TIPARP: variants seen among roughly 807,000 people sequenced by gnomAD.
TIPARP encodes the protein protein mono-ADP-ribosyltransferase TIPARP.
A neutral mutation model predicts 56.5 loss-of-function variants in TIPARP; 12 were observed. The ratio of observed to expected loss-of-function variants is 0.21; its 90% CI spans 0.14 to 0.34. The LOEUF is 0.34. Among genes scored for constraint, TIPARP ranks in the 10% least tolerant of loss-of-function variants. The pLI, the probability that TIPARP is intolerant of heterozygous loss-of-function variation, is 1.00. For missense variants in TIPARP, 604 were observed against 781.6 expected, an observed-to-expected ratio of 0.77 and a Z score of 2.71; for synonymous variants, 296 against 265.7, an observed-to-expected ratio of 1.11 and a Z score of -1.11.
In TIPARP at chr3:156,705,041, G is replaced by A. The variant is rs1464422090; in HGVS notation, c.1884G>A (p.Glu628=). 1 of 1,614,066 alleles carries A rather than the reference G, an allele frequency of 6.2e-7. No homozygotes were observed. The highest frequency in any genetic ancestry group is 2.2e-5 in the East Asian group (1 of 44,884). ...LYDSCVDNFF[E]PQIFVIFNDD... ...ACTCTTGTGTGGATAATTTCTTTGA[G>A]CCTCAGATTTTTGTCATTTTTAATG... is the stretch of plus-strand genomic sequence containing the variant. The change falls in exon 6 of 6, where the codon GAG becomes GAA. Residue 628 remains glutamate (E), a synonymous_variant. Transcript: ENST00000295924.
chr3:156,690,649 C>A (rs1033996148), intron 2 of TIPARP, among the ~76,000 whole-genome samples: 3 of 152,108 alleles, frequency 2.0e-5, no homozygotes, highest in Non-Finnish European at 4.4e-5. Flanking sequence ...GCAGTCTGTT[C>A]ACAAGGTTTT....
At chr3:156,700,709 GCA>G (rs1440493596) in intron 4 of TIPARP, among the ~76,000 whole-genome samples, 1 of 152,164 alleles carries the variant, frequency 6.6e-6, no homozygotes, top group East Asian at 1.9e-4. Flanking sequence ...GGAATGCCTG[GCA>G]CAGTTTCTTT....
chr3:156,683,773 C>T (rs1437182966), intron 2 of TIPARP, among the ~76,000 whole-genome samples: 1 of 152,160 alleles, frequency 6.6e-6, no homozygotes, highest in Non-Finnish European at 1.5e-5. Flanking sequence ...GGTTTGGGTG[C>T]TATTCCTAAA....
intron 2 of TIPARP, among the ~76,000 whole-genome samples, chr3:156,684,035 G>T (rs1722368089): frequency 6.6e-6 from 1 of 152,132 alleles, no homozygotes; most frequent in Admixed American, 6.5e-5. Flanking sequence ...AGTTGCAATT[G>T]TCTTTTTGTG....
intron 2 of TIPARP, among the ~76,000 whole-genome samples, chr3:156,683,126 T>A (rs977155422): frequency 6.6e-6 from 1 of 152,200 alleles, no homozygotes; most frequent in Admixed American, 6.5e-5. Flanking sequence ...ATTCTTTTCC[T>A]GATGTATTTA....
chr3:156,705,396 T>G lies in TIPARP; in HGVS notation c.*265T>G, dbSNP rs1473473617. 2 of 296,890 alleles carry G rather than the reference T, an allele frequency of 6.7e-6. No homozygotes were observed. The highest frequency in any genetic ancestry group is 1.3e-5 in the Non-Finnish European group (2 of 159,376). The allele number at this position is 296,890 out of a possible 1,614,324, so 18.4% of individuals were successfully genotyped here. A position where few individuals can be genotyped will look rare whatever the true frequency, so the allele number is the denominator to read the frequency against. ...TACACACTCTTTTCATTCACACTTG[T>G]ACATATAGACAGCAATGTTATTAGG... On this transcript the variant is annotated 3_prime_UTR_variant, in exon 6 of 6. Transcript: ENST00000295924.
intron 4 of TIPARP, among the ~76,000 whole-genome samples, chr3:156,703,174 A>G (rs1054984540): frequency 3.3e-5 from 5 of 152,218 alleles, no homozygotes; most frequent in African/African-American, 1.2e-4. Context: ...TTTGCCTTGT[A>G]GCTATACATT....
chr3:156,695,897 T>C lies in TIPARP; in HGVS notation c.1119T>C (p.Ser373=). ...TTCGATTGATTGAAGAAGCCAACTCTCGGGGTCTGAAAGAGGTTCGATTTA... is the reference window on the plus strand; with the variant it reads ...TTCGATTGATTGAAGAAGCCAACTCCCGGGGTCTGAAAGAGGTTCGATTTA... The part of the protein sequence containing the change: ...SVIRLIEEAN[S]RGLKEVRFMM... Residue 373 remains serine (S), a synonymous_variant, in exon 4 of 6, where the codon TCT becomes TCC. Transcript: ENST00000295924. The C allele has an allele frequency of 2.5e-6, 4 of 1,576,684 alleles. No homozygotes were observed. Among genetic ancestry groups the C allele is most frequent in the Non-Finnish European group, 3.5e-6 (4 of 1,159,290 alleles).
At chr3:156,692,176 G>C (rs1245021032) in intron 2 of TIPARP, among the ~76,000 whole-genome samples, 3 of 152,090 alleles carry the variant, frequency 2.0e-5, no homozygotes, top group African/African-American at 4.8e-5. Flanking sequence ...TAAGCTTAAA[G>C]GGGGAAAAAT....
intron 4 of TIPARP, 58 bp downstream of exon 4, chr3:156,696,083 G>C: frequency 6.5e-7 from 1 of 1,527,486 alleles, no homozygotes; most frequent in Non-Finnish European, 8.8e-7. Context: ...ATGCATTCCT[G>C]AATACTAGAG....
At chr3:156,685,289 T>G (rs531163325) in intron 2 of TIPARP, among the ~76,000 whole-genome samples, 85 of 152,362 alleles carry the variant, frequency 5.6e-4, no homozygotes, top group African/African-American at 1.9e-3. Context: ...GATCTTTCTC[T>G]GCTCTATGCT....
At chr3:156,691,578 A>G (rs902814085) in intron 2 of TIPARP, among the ~76,000 whole-genome samples, 1 of 152,164 alleles carries the variant, frequency 6.6e-6, no homozygotes, top group Admixed American at 6.6e-5. Flanking sequence ...ATAGGAAGCA[A>G]TAGTTTGATA....
chr3:156,682,647 A>G (rs555082842), intron 2 of TIPARP, among the ~76,000 whole-genome samples: 1 of 152,218 alleles, frequency 6.6e-6, no homozygotes, highest in Non-Finnish European at 1.5e-5. Context: ...TAAATTAGCC[A>G]AGTTAGCTCT....
chr3:156,680,535 G>T (rs1722267806), intron 2 of TIPARP, among the ~76,000 whole-genome samples: 1 of 152,104 alleles, frequency 6.6e-6, no homozygotes, highest in Non-Finnish European at 1.5e-5. Flanking sequence ...TTTCCAGTCT[G>T]CTGAGTACTT....
rs1722982282 is a variant in TIPARP, at chr3:156,706,346, T to C, written c.*1215T>C. 6.5e-6 allele frequency: 1 copy of C among 152,682 alleles called. No homozygotes were observed. The highest frequency in any genetic ancestry group is 1.5e-5 in the Non-Finnish European group (1 of 68,046). The allele number at this position is 152,682 out of a possible 1,614,324, so 9.5% of individuals were successfully genotyped here. Reference sequence around the variant, plus strand: ...TAGTTGTTCACAAAAGAATTCGCCATGGAATTCTTTCAGTTACCAAGCTCT... The same window carrying C: ...TAGTTGTTCACAAAAGAATTCGCCACGGAATTCTTTCAGTTACCAAGCTCT... On this transcript the variant is annotated 3_prime_UTR_variant, in exon 6 of 6. Coordinates refer to ENST00000295924, the MANE Select transcript of TIPARP (RefSeq NM_015508.5).
intron 4 of TIPARP, among the ~76,000 whole-genome samples, chr3:156,699,718 G>T (rs965571496): frequency 1.4e-4 from 21 of 152,004 alleles, no homozygotes; most frequent in Admixed American, 5.9e-4. Context: ...GATAATATGG[G>T]CTTACAAGAG....
At position 156,695,853 on chromosome 3, in the gene TIPARP, TCTCCTCCATAGTC is replaced by T; in HGVS notation, c.1087-11_1088del. 1 of 1,507,784 alleles carries T rather than the reference TCTCCTCCATAGTC, an allele frequency of 6.6e-7. No homozygotes were observed. The highest frequency in any genetic ancestry group is 8.8e-7 in the Non-Finnish European group (1 of 1,135,020). 93.4% of individuals were successfully genotyped at this position (1,507,784 alleles called of 1,614,324 possible). A position where few individuals can be genotyped will look rare whatever the true frequency, so the allele number is the denominator to read the frequency against. Reference sequence around the variant, plus strand: ...TTTTTTTTTTTTTTTTGTTCTGTTTTCTCCTCCATAGTCTGTCATTCGATTGATTGAAGAAGCC... The same window carrying T: ...TTTTTTTTTTTTTTTTGTTCTGTTTTTGTCATTCGATTGATTGAAGAAGCC... On this transcript the variant is annotated splice_acceptor_variant and splice_polypyrimidine_tract_variant and coding_sequence_variant and intron_variant, in exon 4 of 6. Transcript: ENST00000295924. LOFTEE classifies it high-confidence loss of function.
intron 2 of TIPARP, among the ~76,000 whole-genome samples, chr3:156,684,377 C>G (rs1484656560): frequency 2.6e-5 from 4 of 152,156 alleles, no homozygotes; most frequent in African/African-American, 9.7e-5. Flanking sequence ...TAAACAGAAA[C>G]TGTACAAGGA....
chr3:156,693,923 C>T, intron 2 of TIPARP, 97 bp from the exon 3 acceptor site: 4 of 1,311,114 alleles, frequency 3.1e-6, no homozygotes, highest in South Asian at 1.6e-5. Context: ...ACAGGCTATG[C>T]TATGTATTTT....
Sources: allele counts gnomAD v4.1 joint callset (sites outside exome capture counted in the v4.1 genomes callset), GRCh38; gene constraint gnomAD v4.1.1; transcripts MANE v1.5; gene names NCBI Gene and HGNC (gene_info 2026-07-23, HGNC 2026-07-21).